Variants in IGF2BP3 observed in about 807,000 individuals in gnomAD.
IGF2BP3 encodes the protein insulin-like growth factor 2 mRNA-binding protein 3.
A neutral mutation model predicts 73.8 loss-of-function variants in IGF2BP3; 9 were observed. That is an observed-to-expected ratio of 0.12 (90% CI 0.07 to 0.21). The LOEUF is 0.21. Ranked by LOEUF, IGF2BP3 falls within the 10% of genes least tolerant of loss-of-function variation. The pLI is 1.00. For synonymous variants in IGF2BP3, 258 were observed against 256.7 expected (o/e 1.01, Z -0.05); for missense variants, 542 against 714.0 (o/e 0.76, Z 2.75).
At chr7:23,352,469 A>C (rs1408484686) in intron 5 of IGF2BP3, among the ~76,000 whole-genome samples, 1 of 151,814 alleles carries the variant, frequency 6.6e-6, no homozygotes, top group Non-Finnish European at 1.5e-5. Flanking sequence ...TTGTATTTTT[A>C]GTAGAGATGG....
chr7:23,345,709 G>C (rs1010910262), intron 8 of IGF2BP3, among the ~76,000 whole-genome samples: 7 of 152,248 alleles, frequency 4.6e-5, no homozygotes, highest in Non-Finnish European at 4.4e-5. Context: ...AGTTAAGACT[G>C]CTTTAGAAAA....
chr7:23,325,575 C>T (rs1784270941), intron 10 of IGF2BP3, among the ~76,000 whole-genome samples: 1 of 152,112 alleles, frequency 6.6e-6, no homozygotes, highest in Non-Finnish European at 1.5e-5. Context: ...AAAACTACTT[C>T]AAAGTTCATA....
At chr7:23,468,336 A>G (rs1399289322) in intron 2 of IGF2BP3, 146 bp downstream of exon 2, 1 of 814,092 alleles carries the variant, frequency 1.2e-6, no homozygotes, top group African/African-American at 1.7e-5. Flanking sequence ...CACCCCCGCC[A>G]TAAACTTAAA....
At chr7:23,320,947 C>CAAAAAAAAAAAAAAAA (rs70966008) in intron 10 of IGF2BP3, among the ~76,000 whole-genome samples, 9 of 96,488 alleles carry the variant, frequency 9.3e-5, no homozygotes, top group South Asian at 3.0e-4. Context: ...AACTCTGTCT[C>CAAAAAAAAAAAAAAAA]AAAAAAAAAA....
At chr7:23,442,209 A>G (rs1367325662) in intron 2 of IGF2BP3, among the ~76,000 whole-genome samples, 2 of 152,134 alleles carry the variant, frequency 1.3e-5, no homozygotes, top group Admixed American at 6.6e-5. Context: ...ACCTAGGCAT[A>G]ATGGTTGTCA....
chr7:23,343,775 C>T lies in IGF2BP3; in HGVS notation c.1020G>A (p.Glu340=). 2 of 1,613,050 alleles carry T rather than the reference C, an allele frequency of 1.2e-6. No individual in the cohort carries two copies. Among genetic ancestry groups the T allele is most frequent in the East Asian group, 2.2e-5 (1 of 44,866 alleles). The change falls in exon 9 of 15, where the codon GAG becomes GAA. Residue 340 remains glutamate, a synonymous_variant. Coordinates refer to ENST00000258729, the MANE Select transcript of IGF2BP3 (RefSeq NM_006547.3). ...CCCTGATTTTCTTCATGATCTCCTCCTCAGCTTTGGCACATGTCTCAACAT... is the reference window on the plus strand; with the variant it reads ...CCCTGATTTTCTTCATGATCTCCTCTTCAGCTTTGGCACATGTCTCAACAT... ...KGNVETCAKA[E]EEIMKKIRES... is the part of the protein sequence containing the mutation.
At chr7:23,372,628 T>A (rs575912114) in intron 3 of IGF2BP3, among the ~76,000 whole-genome samples, 2 of 152,268 alleles carry the variant, frequency 1.3e-5, no homozygotes, top group Non-Finnish European at 2.9e-5. Flanking sequence ...GGAACTAGAC[T>A]GATTTTAAAA....
At chr7:23,417,163 C>T (rs1178441171) in intron 3 of IGF2BP3, among the ~76,000 whole-genome samples, 1 of 152,144 alleles carries the variant, frequency 6.6e-6, no homozygotes, top group Admixed American at 6.5e-5. Context: ...CAGCAGCAGC[C>T]CATCTTATTC....
At chr7:23,449,852 A>G (rs2128548036) in intron 2 of IGF2BP3, among the ~76,000 whole-genome samples, 1 of 152,274 alleles carries the variant, frequency 6.6e-6, no homozygotes, top group Non-Finnish European at 1.5e-5. Flanking sequence ...GGCATGAGCC[A>G]TCACACCCAG....
chr7:23,440,415 A>G (rs1372672840), intron 2 of IGF2BP3, among the ~76,000 whole-genome samples: 1 of 152,226 alleles, frequency 6.6e-6, no homozygotes, highest in Non-Finnish European at 1.5e-5. Context: ...CAGCCTGGGC[A>G]ACAGAGAGAG....
intron 3 of IGF2BP3, among the ~76,000 whole-genome samples, chr7:23,364,170 T>C (rs1785305348): frequency 6.6e-6 from 1 of 150,880 alleles, no homozygotes; most frequent in African/African-American, 2.4e-5. Context: ...GGTGAGGAGA[T>C]CGAGAGCAGC....
intron 2 of IGF2BP3, among the ~76,000 whole-genome samples, chr7:23,421,189 T>C (rs910521810): frequency 2.0e-5 from 3 of 152,036 alleles, no homozygotes; most frequent in Non-Finnish European, 2.9e-5. Flanking sequence ...ATTGTATTTT[T>C]AGTAGAGACG....
At position 23,355,232 on chromosome 7, in the gene IGF2BP3, T is replaced by A. The variant is rs563072158; in HGVS notation, c.402-3646A>T. Among the ~76,000 whole-genome samples the A allele has an allele frequency of 5.6e-3, 847 of 151,142 alleles. 4 individuals carry two copies. The highest frequency in any genetic ancestry group is 0.014 in the Middle Eastern group (4 of 290). ...TTTTGTCTTTTTATTTTTATTTTTT[T>A]TTTTTTTGAGACAGAGTCTCACTTT... On this transcript the variant is annotated intron_variant, in intron 5 of 14. Coordinates refer to ENST00000258729, the MANE Select transcript of IGF2BP3 (RefSeq NM_006547.3).
At chr7:23,441,724 C>T (rs1046106778) in intron 2 of IGF2BP3, among the ~76,000 whole-genome samples, 1 of 151,428 alleles carries the variant, frequency 6.6e-6, no homozygotes, top group Non-Finnish European at 1.5e-5. Flanking sequence ...AAAACTCAGT[C>T]CAGCTAAGCA....
intron 2 of IGF2BP3, among the ~76,000 whole-genome samples, chr7:23,446,237 T>C (rs1418843147): frequency 1.3e-5 from 2 of 152,188 alleles, no homozygotes; most frequent in East Asian, 1.9e-4. Flanking sequence ...ACAAAGTAAA[T>C]TGGGGAAAGT....
intron 12 of IGF2BP3, among the ~76,000 whole-genome samples, chr7:23,315,708 G>C (rs1051989381): frequency 2.6e-5 from 4 of 152,082 alleles, no homozygotes; most frequent in Non-Finnish European, 5.9e-5. Flanking sequence ...TATTACTTAA[G>C]ACAGTCAAAA....
intron 2 of IGF2BP3, among the ~76,000 whole-genome samples, chr7:23,454,999 G>A (rs986343036): frequency 1.3e-5 from 2 of 152,150 alleles, no homozygotes; most frequent in African/African-American, 4.8e-5. Flanking sequence ...AAGAACAGCT[G>A]TGAACTCCAT....
At chr7:23,330,855 A>T (rs753620318) in intron 10 of IGF2BP3, among the ~76,000 whole-genome samples, 1 of 152,188 alleles carries the variant, frequency 6.6e-6, no homozygotes, top group African/African-American at 2.4e-5. Context: ...GCAGTGGCAC[A>T]ATCTCGGCTC....
intron 2 of IGF2BP3, among the ~76,000 whole-genome samples, chr7:23,444,345 G>A (rs1788005833): frequency 6.6e-6 from 1 of 152,082 alleles, no homozygotes; most frequent in Non-Finnish European, 1.5e-5. Context: ...CTACATATGG[G>A]TGAATATACT....
Sources: allele counts gnomAD v4.1 joint callset (sites outside exome capture counted in the v4.1 genomes callset), GRCh38; gene constraint gnomAD v4.1.1; transcripts MANE v1.5; gene names NCBI Gene and HGNC (gene_info 2026-07-23, HGNC 2026-07-21).